The following SEZ6L variants were observed in gnomAD, a reference collection of about 807,000 sequenced individuals.
SEZ6L encodes the protein seizure related 6 homolog like, also known as seizure 6-like protein.
Under a neutral mutation model 106.2 loss-of-function variants are expected in SEZ6L, and 37 were observed. That is an observed-to-expected ratio of 0.35 (90% CI 0.27 to 0.46). The LOEUF is 0.46. Among genes scored for constraint, SEZ6L ranks in the 20% least tolerant of loss-of-function variants. SEZ6L has a pLI of 1.00. For synonymous variants in SEZ6L, 541 were observed against 570.4 expected, an observed-to-expected ratio of 0.95 and a Z score of 0.73; for missense variants, 1,172 against 1,332.8, an observed-to-expected ratio of 0.88 and a Z score of 1.88.
chr22:26,325,927 CCACA>C (rs59284489), intron 9 of SEZ6L, among the ~76,000 whole-genome samples: 4,450 of 149,262 alleles, frequency 0.03, 84 homozygotes, highest in African/African-American at 0.056. Flanking sequence ...ATCACACACA[CCACA>C]CACACACACA....
intron 1 of SEZ6L, among the ~76,000 whole-genome samples, chr22:26,183,602 T>C (rs1939553519): frequency 6.6e-6 from 1 of 152,190 alleles, no homozygotes; most frequent in Non-Finnish European, 1.5e-5. Flanking sequence ...GAACCTCCAA[T>C]AACCATCCCA....
chr22:26,298,910 T>C, intron 4 of SEZ6L, 74 bp from the exon 5 acceptor site: 25 of 1,419,412 alleles, frequency 1.8e-5, no homozygotes, highest in Non-Finnish European at 2.4e-5. Flanking sequence ...ACAAACTGGC[T>C]CCCAGGATGT....
intron 1 of SEZ6L, among the ~76,000 whole-genome samples, chr22:26,245,014 C>G (rs773097049): frequency 6.6e-6 from 1 of 152,130 alleles, no homozygotes; most frequent in Non-Finnish European, 1.5e-5. Flanking sequence ...TTGGGCAGCA[C>G]GCAAGGATGG....
intron 6 of SEZ6L, among the ~76,000 whole-genome samples, chr22:26,309,401 A>G (rs1037258824): frequency 2.6e-5 from 4 of 152,206 alleles, no homozygotes; most frequent in Admixed American, 2.6e-4. Context: ...CTCCTTTCAC[A>G]GTTGAGGACA....
chr22:26,206,018 A>G (rs1456352143), intron 1 of SEZ6L, among the ~76,000 whole-genome samples: 1 of 152,114 alleles, frequency 6.6e-6, no homozygotes, highest in Admixed American at 6.5e-5. Flanking sequence ...AGAGCCTGCA[A>G]TGTGTCACTC....
chr22:26,249,785 A>G (rs1292718949), intron 1 of SEZ6L, among the ~76,000 whole-genome samples: 2 of 152,178 alleles, frequency 1.3e-5, no homozygotes, highest in Non-Finnish European at 2.9e-5. Flanking sequence ...ACTAATTTAC[A>G]TTCCCACCAA....
At chr22:26,210,467 T>C (rs16981527) in intron 1 of SEZ6L, among the ~76,000 whole-genome samples, 2,633 of 152,270 alleles carry the variant, frequency 0.017, 36 homozygotes, top group Non-Finnish European at 0.025. Flanking sequence ...CATTGGGATA[T>C]TTTGGAACAC....
At chr22:26,182,461 T>C (rs1418326948) in intron 1 of SEZ6L, among the ~76,000 whole-genome samples, 1 of 152,164 alleles carries the variant, frequency 6.6e-6, no homozygotes, top group African/African-American at 2.4e-5. Context: ...TAACTAACTG[T>C]ACCTTTTTCA....
At chr22:26,296,807 A>C in intron 3 of SEZ6L, 81 bp from the exon 4 acceptor site, 1 of 1,290,394 alleles carries the variant, frequency 7.7e-7, no homozygotes, top group Non-Finnish European at 1.0e-6. Context: ...GCCACTTTTC[A>C]CTGACTTCTT....
At chr22:26,282,064 G>A (rs935391668) in intron 1 of SEZ6L, among the ~76,000 whole-genome samples, 5 of 152,184 alleles carry the variant, frequency 3.3e-5, no homozygotes, top group African/African-American at 4.8e-5. Flanking sequence ...TAACTCGTCT[G>A]CATAGCATTT....
intron 1 of SEZ6L, among the ~76,000 whole-genome samples, chr22:26,207,206 G>A (rs1237151911): frequency 6.6e-6 from 1 of 152,164 alleles, no homozygotes; most frequent in African/African-American, 2.4e-5. Context: ...GGAGATAACT[G>A]GGAAGGAGAA....
chr22:26,377,616 T>G, intron 15 of SEZ6L, 57 bp from the exon 16 acceptor site: 1 of 1,397,970 alleles, frequency 7.2e-7, no homozygotes, highest in Non-Finnish European at 1.0e-6. Context: ...CCGTTCAATA[T>G]TGTAATGTTT....
chr22:26,249,747 C>A (rs1286028454), intron 1 of SEZ6L, among the ~76,000 whole-genome samples: 1 of 152,110 alleles, frequency 6.6e-6, no homozygotes, highest in East Asian at 1.9e-4. Flanking sequence ...TTTTGAGAAA[C>A]CTTGATACTG....
chr22:26,169,770 G>T lies in SEZ6L; in HGVS notation c.94+7G>T, dbSNP rs755070573. 1.4e-5 allele frequency: 17 copies of T among 1,240,224 alleles called. No homozygotes were observed. Among genetic ancestry groups the T allele is most frequent in the Non-Finnish European group, 1.7e-5 (17 of 989,834 alleles). 76.8% of individuals were successfully genotyped at this position (1,240,224 alleles called of 1,614,324 possible). A position where few individuals can be genotyped will look rare whatever the true frequency, so the allele number is the denominator to read the frequency against. Reference sequence around the variant, plus strand: ...GCGGCAGCGCTGGAGCGAGGTAAGCGCCCCGAGGGGCGGGGCGGGCAGGGG... The same window carrying T: ...GCGGCAGCGCTGGAGCGAGGTAAGCTCCCCGAGGGGCGGGGCGGGCAGGGG... On this transcript the variant is annotated splice_region_variant and intron_variant, in intron 1 of 16. Coordinates refer to ENST00000248933, the MANE Select transcript of SEZ6L (RefSeq NM_021115.5).
At chr22:26,302,215 A>T (rs764347861) in intron 5 of SEZ6L, among the ~76,000 whole-genome samples, 16 of 152,148 alleles carry the variant, frequency 1.1e-4, no homozygotes, top group Admixed American at 3.9e-4. Context: ...TGGTCCTCGG[A>T]CTAGCAAAAT....
intron 1 of SEZ6L, among the ~76,000 whole-genome samples, chr22:26,220,582 T>C (rs554371718): frequency 6.6e-6 from 1 of 152,240 alleles, no homozygotes; most frequent in East Asian, 1.9e-4. Flanking sequence ...CCAGGTGAGA[T>C]GATGATGAGA....
chr22:26,276,571 G>A (rs1176591513), intron 1 of SEZ6L, among the ~76,000 whole-genome samples: 1 of 152,246 alleles, frequency 6.6e-6, no homozygotes, highest in East Asian at 1.9e-4. Context: ...TTGAAGTATA[G>A]CATATAGGTA....
At position 26,311,965 on chromosome 22, in the gene SEZ6L, G is replaced by T; in HGVS notation, c.1876+3G>T. 6.2e-7 allele frequency: 1 copy of T among 1,612,274 alleles called. No individual in the cohort carries two copies. The highest frequency in any genetic ancestry group is 1.1e-5 in the South Asian group (1 of 90,948). On this transcript the variant is annotated splice_donor_region_variant and intron_variant, in intron 8 of 16. Transcript: ENST00000248933. ...TGACACAGAGCCCCTGTGCAGAGGT[G>T]AGCGGATCCACAACGCTCTTCCCAC...
intron 13 of SEZ6L, among the ~76,000 whole-genome samples, chr22:26,367,884 C>G (rs1326570496): frequency 6.6e-6 from 1 of 152,210 alleles, no homozygotes; most frequent in Non-Finnish European, 1.5e-5. Flanking sequence ...GCCTCGCCCC[C>G]ACCTCCCAGA....
Sources: gnomAD v4.1 joint callset for allele counts (sites outside exome capture counted in the v4.1 genomes callset) on GRCh38, gnomAD v4.1.1 for gene constraint, MANE v1.5 for transcripts, NCBI Gene and HGNC (gene_info 2026-07-23, HGNC 2026-07-21) for gene names.